The following EXOC4 variants were observed in gnomAD, a reference collection of about 807,000 sequenced individuals.
The protein encoded by EXOC4 is SEC8-like 1.
Under a neutral mutation model 107.2 loss-of-function variants are expected in EXOC4, and 71 were observed. That is an observed-to-expected ratio of 0.66 (90% CI 0.55 to 0.81). EXOC4 has a LOEUF of 0.81. EXOC4 is among the 30% of genes least tolerant of loss of function. The pLI is 0.00. For missense variants in EXOC4, 1,108 were observed against 1,189.6 expected (o/e 0.93, Z 1.01); for synonymous variants, 456 against 441.2 (o/e 1.03, Z -0.42).
At chr7:133,300,213 G>A (rs944745231) in intron 3 of EXOC4, among the ~76,000 whole-genome samples, 2 of 152,204 alleles carry the variant, frequency 1.3e-5, no homozygotes, top group Admixed American at 1.3e-4. Context: ...AGGCTGAGGA[G>A]TTAGGAGAAA....
intron 10 of EXOC4, among the ~76,000 whole-genome samples, chr7:133,770,434 C>G (rs1328442384): frequency 1.3e-5 from 2 of 151,914 alleles, no homozygotes; most frequent in Non-Finnish European, 2.9e-5. Flanking sequence ...ACAGTTGTTG[C>G]TGTAAACCAT....
intron 7 of EXOC4, among the ~76,000 whole-genome samples, chr7:133,470,646 C>T (rs1170081905): frequency 6.6e-6 from 1 of 152,080 alleles, no homozygotes; most frequent in Non-Finnish European, 1.5e-5. Context: ...TTGACACACC[C>T]ATCAATTTTG....
chr7:133,293,989 C>G (rs1294154268), intron 3 of EXOC4, among the ~76,000 whole-genome samples: 1 of 152,160 alleles, frequency 6.6e-6, no homozygotes. Flanking sequence ...GCAGTCTGTC[C>G]TTTGTATTCC....
intron 7 of EXOC4, among the ~76,000 whole-genome samples, chr7:133,403,872 A>C (rs1171419982): frequency 6.6e-6 from 1 of 152,106 alleles, no homozygotes; most frequent in Admixed American, 6.6e-5. Context: ...TTGCCGTCAG[A>C]AAAGTCCCAC....
At chr7:133,406,586 C>T (rs1237262658) in intron 7 of EXOC4, among the ~76,000 whole-genome samples, 1 of 152,038 alleles carries the variant, frequency 6.6e-6, no homozygotes, top group Non-Finnish European at 1.5e-5. Flanking sequence ...TCCTTGCTAT[C>T]TTGATGAAAT....
chr7:133,618,703 T>C (rs930661788), intron 9 of EXOC4, among the ~76,000 whole-genome samples: 2 of 152,152 alleles, frequency 1.3e-5, no homozygotes, highest in Non-Finnish European at 2.9e-5. Flanking sequence ...TATGTAGGAG[T>C]GCTGTATGTC....
intron 11 of EXOC4, among the ~76,000 whole-genome samples, chr7:133,827,192 T>C (rs559318818): frequency 6.6e-6 from 1 of 152,350 alleles, no homozygotes; most frequent in South Asian, 2.1e-4. Context: ...AGTGCCTTTA[T>C]TGATATAATA....
At chr7:133,448,874 G>A (rs1798278557) in intron 7 of EXOC4, among the ~76,000 whole-genome samples, 2 of 152,162 alleles carry the variant, frequency 1.3e-5, no homozygotes, top group Non-Finnish European at 2.9e-5. Flanking sequence ...GGAGGCCGAG[G>A]TGGGTGGATC....
chr7:133,782,283 GGAT>G (rs1796484406), intron 10 of EXOC4, among the ~76,000 whole-genome samples: 1 of 152,092 alleles, frequency 6.6e-6, no homozygotes, highest in African/African-American at 2.4e-5. Context: ...AGTCATTCAG[GGAT>G]CCAAAGTAGC....
intron 7 of EXOC4, among the ~76,000 whole-genome samples, chr7:133,467,691 C>T (rs551114862): frequency 4.0e-5 from 6 of 148,342 alleles, no homozygotes; most frequent in Non-Finnish European, 8.9e-5. Context: ...TCGTTATTTA[C>T]TGAAGATGCC....
intron 10 of EXOC4, among the ~76,000 whole-genome samples, chr7:133,650,683 A>G (rs1803120796): frequency 6.6e-6 from 1 of 152,134 alleles, no homozygotes; most frequent in African/African-American, 2.4e-5. Context: ...TTACACTAAT[A>G]ATCCTGGCCG....
chr7:133,561,527 A>G (rs1340739841), intron 9 of EXOC4, among the ~76,000 whole-genome samples: 1 of 152,154 alleles, frequency 6.6e-6, no homozygotes, highest in Non-Finnish European at 1.5e-5. Context: ...TTTAAATGCT[A>G]TTTCTTGATT....
At chr7:134,036,421 C>CT (rs1340574530) in intron 17 of EXOC4, among the ~76,000 whole-genome samples, 2 of 152,122 alleles carry the variant, frequency 1.3e-5, no homozygotes. Context: ...AACCCCATCT[C>CT]TATCAAAAAT....
intron 14 of EXOC4, among the ~76,000 whole-genome samples, chr7:133,964,593 C>G (rs1801020044): frequency 6.6e-6 from 1 of 152,082 alleles, no homozygotes; most frequent in Non-Finnish European, 1.5e-5. Context: ...GTTTTCTGTT[C>G]CTGTGTTAGT....
intron 7 of EXOC4, among the ~76,000 whole-genome samples, chr7:133,464,810 G>T (rs1017949): frequency 0.92 from 97,944 of 106,210 alleles, 45,569 homozygotes; most frequent in Middle Eastern, 0.98. Context: ...TGGTTGGGTT[G>T]GTTTTTTTTT....
chr7:133,443,816 G>A (rs1262688292), intron 7 of EXOC4, among the ~76,000 whole-genome samples: 4 of 152,180 alleles, frequency 2.6e-5, no homozygotes, highest in Non-Finnish European at 5.9e-5. Flanking sequence ...AAAGGGGCAT[G>A]TAGTGCTTAA....
intron 13 of EXOC4, among the ~76,000 whole-genome samples, chr7:133,919,085 C>T (rs6978170): frequency 0.46 from 70,602 of 151,966 alleles, 17,635 homozygotes; most frequent in African/African-American, 0.65. Flanking sequence ...AACCATGATT[C>T]TTGAAAGTGC....
In EXOC4 at chr7:133,271,668, T is replaced by C. The variant is rs576673038; in HGVS notation, c.87-3314T>C. On this transcript the variant is annotated intron_variant, in intron 1 of 17. Transcript: ENST00000253861. ...GCTGCCTATGTGGGCAGGCTTCTCT[T>C]TGGGCCCATCTGCCTAACCCTTGTG... 2.0e-5 allele frequency among the ~76,000 whole-genome samples: 3 copies of C among 152,260 alleles called. No individual in the cohort carries two copies. In the East Asian group the frequency reaches 5.8e-4, roughly 29 times the overall value.
At chr7:133,973,791 A>G (rs1388445696) in intron 14 of EXOC4, among the ~76,000 whole-genome samples, 1 of 152,240 alleles carries the variant, frequency 6.6e-6, no homozygotes, top group Non-Finnish European at 1.5e-5. Flanking sequence ...TTGTGCTGCT[A>G]TAACACAATA....
Sources: allele counts gnomAD v4.1 joint callset (sites outside exome capture counted in the v4.1 genomes callset), GRCh38; gene constraint gnomAD v4.1.1; transcripts MANE v1.5; gene names NCBI Gene and HGNC (gene_info 2026-07-23, HGNC 2026-07-21).